Variants in GSN observed in about 807,000 individuals in gnomAD.
The protein encoded by GSN is gelsolin.
A neutral mutation model predicts 85.7 loss-of-function variants in GSN; 56 were observed. The observed-to-expected ratio is 0.65, with a 90% CI of 0.53 to 0.82. The LOEUF (loss-of-function observed/expected upper bound fraction) is 0.82, where lower values mean the gene tolerates loss of function less well. GSN is among the 40% of genes least tolerant of loss of function. GSN has a pLI of 0.00. For synonymous variants in GSN, 373 were observed against 399.1 expected (o/e 0.93, Z 0.78); for missense variants, 857 against 979.8 (o/e 0.87, Z 1.67).
chr9:121,285,928 A>G (rs1470588252), intron 2 of GSN, among the ~76,000 whole-genome samples: 1 of 152,212 alleles, frequency 6.6e-6, no homozygotes, highest in African/African-American at 2.4e-5. Context: ...TGCTTAAGGA[A>G]GCAAAGTGGA....
chr9:121,306,907 G>A (rs2060475208), intron 4 of GSN, among the ~76,000 whole-genome samples: 1 of 152,242 alleles, frequency 6.6e-6, no homozygotes, highest in African/African-American at 2.4e-5. Flanking sequence ...AAGGCCGGGT[G>A]CGGTGGCTCA....
Position 121,317,237 on chromosome 9 carries a change from G to T in GSN, c.886+19G>T, listed in dbSNP as rs200255784. ...TGGAAAGGTACTGGAGACAGGGAAA[G>T]GGTCCCAACTGGCCTGTAGGATCTT... On this transcript the variant is annotated intron_variant, in intron 8 of 17. Coordinates refer to ENST00000432226, the MANE Select transcript of GSN (RefSeq NM_198252.3). 8.5e-4 allele frequency: 1,368 copies of T among 1,613,674 alleles called. 10 individuals are homozygous for T. Among genetic ancestry groups the T allele is most frequent in the South Asian group, 8.3e-3 (758 of 91,062 alleles).
At chr9:121,239,134 A>G (rs1168447895) in intron 5 of GSN, 1 of 353,064 alleles carries the variant, frequency 2.8e-6, no homozygotes, top group Non-Finnish European at 5.6e-6. Flanking sequence ...ATGTTCATAT[A>G]TAGTGGCTAA....
In GSN at chr9:121,268,180, C is replaced by G. The variant is rs1352554555; in HGVS notation, c.-142C>G. 1 of 152,064 alleles carries G rather than the reference C, an allele frequency of 6.6e-6. No individual in the cohort carries two copies. Among genetic ancestry groups the G allele is most frequent in the Admixed American group, 6.6e-5 (1 of 15,256 alleles). 9.4% of individuals were successfully genotyped at this position (152,064 alleles called of 1,614,324 possible). On this transcript the variant is annotated 5_prime_UTR_variant, in exon 1 of 18. Coordinates refer to ENST00000432226, the MANE Select transcript of GSN (RefSeq NM_198252.3). The stretch of plus-strand genomic sequence containing the variant: ...GCCGCCCGGAACCAGCTGAGCGCAG[C>G]TGGACCCAGCAGCCGCTGTCTCCAG...
chr9:121,270,102 G>A (rs188606116), intron 1 of GSN, among the ~76,000 whole-genome samples: 177 of 152,294 alleles, frequency 1.2e-3, no homozygotes, highest in African/African-American at 3.9e-3. Flanking sequence ...GGAGAAACAG[G>A]AGTTGGGGGA....
intron 4 of GSN, 22 bp from the exon 5 acceptor site, chr9:121,310,662 T>G: frequency 6.2e-7 from 1 of 1,613,300 alleles, no homozygotes; most frequent in Non-Finnish European, 8.5e-7. Flanking sequence ...CCTGGGCTAA[T>G]GCTGTCTCTT....
intron 1 of GSN, chr9:121,280,518 C>T (rs1212709476): frequency 2.0e-5 from 3 of 152,332 alleles, no homozygotes; most frequent in Non-Finnish European, 4.4e-5. Context: ...CAATAATAGA[C>T]TGATGCTGAG....
At chr9:121,313,431 G>A (rs2133521350) in intron 6 of GSN, 1 of 221,678 alleles carries the variant, frequency 4.5e-6, no homozygotes, top group East Asian at 1.1e-4. Context: ...TGGCTTGGGA[G>A]GGACAGTGGG....
chr9:121,331,505 G>A, intron 17 of GSN, 57 bp downstream of exon 17: 1 of 1,027,044 alleles, frequency 9.7e-7, no homozygotes, highest in Non-Finnish European at 1.5e-6. Flanking sequence ...TGGGGTGCTG[G>A]GAGTGGCTCC....
intron 4 of GSN, among the ~76,000 whole-genome samples, chr9:121,228,425 T>TATATATATATATATATATATA (rs1491358330): frequency 8.8e-4 from 17 of 19,414 alleles, no homozygotes; most frequent in Admixed American, 1.8e-3. Context: ...TATATATATA[T>TATATATATATATATATATATA]TTTTTTTTTT....
intron 5 of GSN, 35 bp downstream of exon 5, chr9:121,310,880 G>A (rs748996466): frequency 1.9e-6 from 3 of 1,602,154 alleles, no homozygotes; most frequent in Non-Finnish European, 2.6e-6. Flanking sequence ...AGGAGCCACT[G>A]AGGTGCTCCT....
At chr9:121,319,044 C>T (rs935483823) in intron 10 of GSN, among the ~76,000 whole-genome samples, 164 bp downstream of exon 10, 15 of 152,390 alleles carry the variant, frequency 9.8e-5, no homozygotes, top group African/African-American at 3.6e-4. Context: ...CCCTGTGTAT[C>T]AGGCCCTGAG....
the GSN span, chr9:121,201,828 C>A: frequency 6.6e-6 from 1 of 152,412 alleles, no homozygotes; most frequent in Non-Finnish European, 1.5e-5. Context: ...GCGGTGACTG[C>A]TCCTGTGCTC....
intron 6 of GSN, among the ~76,000 whole-genome samples, chr9:121,255,765 G>T (rs745330798): frequency 6.6e-6 from 1 of 151,974 alleles, no homozygotes; most frequent in Non-Finnish European, 1.5e-5. Flanking sequence ...CCATTATTTT[G>T]CTATTGCAAG....
At position 121,326,630 on chromosome 9, in the gene GSN, C is replaced by T; in HGVS notation, c.1535C>T (p.Thr512Ile). The T allele has an allele frequency of 6.2e-7, 1 of 1,606,546 alleles. No homozygotes were observed. ...GGCGGGCAGACAGCCCCTGCCAGCA[C>T]CCGCCTCTTCCAGGTCCGCGCCAAC... Reference protein sequence around the residue: ...REGGQTAPASTRLFQVRANSA... With the variant: ...REGGQTAPASIRLFQVRANSA... Residue 512 changes from threonine to isoleucine, a missense_variant, in exon 13 of 18, where the codon ACC becomes ATC. By Grantham distance (89) the Thr-to-Ile change is moderately conservative. Coordinates refer to ENST00000432226, the MANE Select transcript of GSN (RefSeq NM_198252.3).
chr9:121,260,166 G>A (rs2055051873), intron 6 of GSN, among the ~76,000 whole-genome samples: 1 of 152,224 alleles, frequency 6.6e-6, no homozygotes, highest in Admixed American at 6.5e-5. Flanking sequence ...ATCTGGCTGA[G>A]GTCAAGGTCA....
rs1395786319 is a variant in GSN at position 121,318,452 on chromosome 9, C to T, written c.933C>T (p.Ala311=). The change falls in exon 9 of 18, where the codon GCC becomes GCT. Residue 311 remains alanine, a synonymous_variant. Coordinates refer to ENST00000432226, the MANE Select transcript of GSN (RefSeq NM_198252.3). The surrounding 1 kb of genome is among the most constrained non-coding windows in gnomAD (Gnocchi z 4.3). ...TEERKAALKT[A]SDFITKMDYP... is the part of the protein sequence containing the mutation. Reference sequence around the variant, plus strand: ...AGAGGAAGGCTGCCCTCAAAACAGCCTCTGACTTCATCACCAAGATGGACT... The same window carrying T: ...AGAGGAAGGCTGCCCTCAAAACAGCTTCTGACTTCATCACCAAGATGGACT... 1.9e-6 allele frequency: 3 copies of T among 1,614,126 alleles called. No individual in the cohort carries two copies. Among genetic ancestry groups the T allele is most frequent in the South Asian group, 2.2e-5 (2 of 91,080 alleles).
intron 4 of GSN, among the ~76,000 whole-genome samples, chr9:121,224,391 G>A (rs1464512983): frequency 2.0e-5 from 3 of 152,142 alleles, no homozygotes; most frequent in East Asian, 1.9e-4. Flanking sequence ...GAGCCACCGC[G>A]CCCGGTCTAT....
Position 121,300,147 on chromosome 9 carries a change from C to G in GSN, c.-9-1816C>G, listed in dbSNP as rs765855532. The G allele has an allele frequency of 2.5e-6, 4 of 1,576,438 alleles. No homozygotes were observed. In the South Asian group the frequency reaches 4.4e-5, roughly 17 times the overall value. On this transcript the variant is annotated intron_variant, in intron 2 of 17. Transcript: ENST00000432226. ...GCTTTGTAAGTATCTCTTGCTGCTT[C>G]CGGGGCTCTGGCTCGCAGACGAGGG...
Sources: allele counts gnomAD v4.1 joint callset (sites outside exome capture counted in the v4.1 genomes callset), GRCh38; gene constraint gnomAD v4.1.1; non-coding constraint Gnocchi (gnomAD v3.1); transcripts MANE v1.5; gene names NCBI Gene and HGNC (gene_info 2026-07-23, HGNC 2026-07-21).